Variants in AGBL1 observed in about 807,000 individuals in gnomAD.
AGBL1 encodes the protein cytosolic carboxypeptidase 4.
Under a neutral mutation model 118.9 loss-of-function variants are expected in AGBL1, and 130 were observed. The ratio of observed to expected loss-of-function variants is 1.09; its 90% CI spans 0.95 to 1.26. The LOEUF is 1.26. AGBL1 is among the 50% of genes most tolerant of loss of function. The probability of loss-of-function intolerance (pLI) is 0.00; values close to 1 mark genes in which losing one functional copy is unlikely to be tolerated. For missense variants in AGBL1, 1,584 were observed against 1,298.1 expected, an observed-to-expected ratio of 1.22 and a Z score of -3.38; for synonymous variants, 555 against 478.9, an observed-to-expected ratio of 1.16 and a Z score of -2.08.
chr15:86,377,629 A>G (rs2081058057), intron 17 of AGBL1, among the ~76,000 whole-genome samples: 1 of 152,178 alleles, frequency 6.6e-6, no homozygotes, highest in Non-Finnish European at 1.5e-5. Context: ...ATTTTATATA[A>G]GTGACATCTC....
At chr15:86,446,151 G>A (rs1263098310) in intron 18 of AGBL1, among the ~76,000 whole-genome samples, 1 of 152,198 alleles carries the variant, frequency 6.6e-6, no homozygotes, top group African/African-American at 2.4e-5. Context: ...AAGAGGATGA[G>A]CTAAAGTGAG....
chr15:86,230,003 G>T (rs1232875558), intron 6 of AGBL1, among the ~76,000 whole-genome samples: 2 of 152,222 alleles, frequency 1.3e-5, no homozygotes, highest in African/African-American at 2.4e-5. Context: ...GAACAGAAAA[G>T]CAAGTTAGCA....
chr15:86,644,888 G>A (rs1246786447), intron 21 of AGBL1, among the ~76,000 whole-genome samples: 1 of 151,392 alleles, frequency 6.6e-6, no homozygotes, highest in Non-Finnish European at 1.5e-5. Context: ...GGGCGTGGTG[G>A]CACGCACCTG....
intron 22 of AGBL1, among the ~76,000 whole-genome samples, chr15:86,803,066 A>C (rs1156903067): frequency 6.6e-6 from 1 of 152,184 alleles, no homozygotes; most frequent in Non-Finnish European, 1.5e-5. Flanking sequence ...AACAGCATCC[A>C]AATGAGGGGC....
At chr15:86,360,046 A>G (rs773508720) in intron 17 of AGBL1, among the ~76,000 whole-genome samples, 3 of 151,570 alleles carry the variant, frequency 2.0e-5, no homozygotes, top group Non-Finnish European at 3.0e-5. Flanking sequence ...TTCTTGTCTT[A>G]TTTGCTGTGG....
Position 86,794,238 on chromosome 15 carries a change from G to A in AGBL1, c.3159-112849G>A, listed in dbSNP as rs145423990. 5.9e-5 allele frequency among the ~76,000 whole-genome samples: 9 copies of A among 152,290 alleles called. No homozygotes were observed. In the East Asian group the frequency reaches 1.7e-3, roughly 29 times the overall value. On this transcript the variant is annotated intron_variant, in intron 22 of 22. Coordinates refer to ENST00000614907, the MANE Select transcript of AGBL1 (RefSeq NM_001386094.1). ...GATGAATGGATAAATAAAAAGTGGT[G>A]TGTCTATACAACAGAATATTATTCA...
intron 22 of AGBL1, among the ~76,000 whole-genome samples, chr15:86,898,720 G>A (rs972746105): frequency 2.6e-5 from 4 of 152,034 alleles, no homozygotes; most frequent in African/African-American, 9.7e-5. Context: ...TATTAAAAAT[G>A]GGCAAAGGAC....
At chr15:86,545,787 T>G (rs1208035656) in intron 19 of AGBL1, among the ~76,000 whole-genome samples, 1 of 152,106 alleles carries the variant, frequency 6.6e-6, no homozygotes. Context: ...AAGTCTACAT[T>G]CTCCTCTGAT....
chr15:86,096,111 A>G (rs897540798), intron 1 of AGBL1, among the ~76,000 whole-genome samples: 6 of 152,242 alleles, frequency 3.9e-5, no homozygotes, highest in Middle Eastern at 3.4e-3. Context: ...TAATCATTTT[A>G]ACTTAACATT....
intron 21 of AGBL1, among the ~76,000 whole-genome samples, chr15:86,668,866 G>A (rs1212494624): frequency 1.3e-5 from 2 of 152,142 alleles, no homozygotes; most frequent in African/African-American, 2.4e-5. Flanking sequence ...ATGTCTTTGG[G>A]TAGAGCAGTA....
At chr15:86,193,613 C>T (rs993590450) in intron 5 of AGBL1, among the ~76,000 whole-genome samples, 8 of 152,142 alleles carry the variant, frequency 5.3e-5, no homozygotes, top group Admixed American at 5.2e-4. Context: ...CTGTGAGTCT[C>T]TCATTCAGGG....
At chr15:86,681,671 G>A (rs993780918) in intron 22 of AGBL1, among the ~76,000 whole-genome samples, 2 of 152,208 alleles carry the variant, frequency 1.3e-5, no homozygotes, top group African/African-American at 4.8e-5. Context: ...ATAATCAAGA[G>A]TTTATATGTT....
intron 5 of AGBL1, chr15:86,173,393 G>A (rs943357602): frequency 6.6e-6 from 1 of 151,916 alleles, no homozygotes; most frequent in Admixed American, 6.6e-5. Context: ...TCAGCAGGTT[G>A]TCTCTTCATT....
At chr15:86,734,188 G>A (rs190313158) in intron 22 of AGBL1, among the ~76,000 whole-genome samples, 15 of 152,230 alleles carry the variant, frequency 9.9e-5, no homozygotes, top group African/African-American at 2.6e-4. Context: ...GTTCTTAAAT[G>A]TTATGAAAGT....
intron 5 of AGBL1, among the ~76,000 whole-genome samples, chr15:86,167,376 G>A (rs2077356445): frequency 6.6e-6 from 1 of 151,934 alleles, no homozygotes; most frequent in African/African-American, 2.4e-5. Flanking sequence ...CTCCCAAGTA[G>A]CTGGGATTAC....
chr15:86,916,534 A>G (rs547429786), downstream of AGBL1, among the ~76,000 whole-genome samples: 1 of 152,142 alleles, frequency 6.6e-6, no homozygotes, highest in Admixed American at 6.5e-5. Flanking sequence ...AATTTAGGAA[A>G]TGATGGTTTT....
chr15:86,798,619 T>A (rs2141344445), intron 22 of AGBL1, among the ~76,000 whole-genome samples: 1 of 151,852 alleles, frequency 6.6e-6, no homozygotes, highest in South Asian at 2.1e-4. Flanking sequence ...CTATGTTTGA[T>A]AAATATTATT....
At chr15:86,338,350 G>A (rs796411561) in intron 17 of AGBL1, among the ~76,000 whole-genome samples, 12 of 152,314 alleles carry the variant, frequency 7.9e-5, no homozygotes, top group African/African-American at 2.6e-4. Flanking sequence ...AGAGGCAGAG[G>A]TAAGTTCTGA....
chr15:86,210,860 T>A (rs2078083468), intron 5 of AGBL1, among the ~76,000 whole-genome samples: 1 of 152,214 alleles, frequency 6.6e-6, no homozygotes, highest in South Asian at 2.1e-4. Flanking sequence ...GTTCCGTTGT[T>A]GGTGAGGAGC....
Sources: gnomAD v4.1 joint callset for allele counts (sites outside exome capture counted in the v4.1 genomes callset) on GRCh38, gnomAD v4.1.1 for gene constraint, MANE v1.5 for transcripts, NCBI Gene and HGNC (gene_info 2026-07-23, HGNC 2026-07-21) for gene names.